The following LARGE1 variants were observed in gnomAD, a reference collection of about 807,000 sequenced individuals.
LARGE1 encodes xylosyl- and glucuronyltransferase LARGE1.
In LARGE1, 43 loss-of-function variants were observed where a neutral mutation model predicts 87.6. The ratio of observed to expected loss-of-function variants is 0.49; its 90% CI spans 0.38 to 0.63. The LOEUF is 0.63. LARGE1 is among the 30% of genes least tolerant of loss of function. The probability of loss-of-function intolerance (pLI) is 0.00; values close to 1 mark genes in which losing one functional copy is unlikely to be tolerated. For synonymous variants in LARGE1, 434 were observed against 394.6 expected (o/e 1.10, Z -1.18); for missense variants, 802 against 1,000.2 (o/e 0.80, Z 2.67).
intron 11 of LARGE1, among the ~76,000 whole-genome samples, chr22:33,306,185 G>A (rs78727010): frequency 3.4e-4 from 52 of 152,240 alleles, no homozygotes; most frequent in East Asian, 2.9e-3. Flanking sequence ...TCTCCATGAC[G>A]CCTAATTGCA....
intron 9 of LARGE1, among the ~76,000 whole-genome samples, chr22:33,371,983 CA>C (rs757895320): frequency 0.075 from 6,868 of 91,950 alleles, 178 homozygotes; most frequent in African/African-American, 0.12. Context: ...GACTCCATCT[CA>C]AAAAAAAAAA....
At chr22:33,468,393 G>C (rs1035130309) in intron 6 of LARGE1, among the ~76,000 whole-genome samples, 1 of 152,078 alleles carries the variant, frequency 6.6e-6, no homozygotes, top group Non-Finnish European at 1.5e-5. Flanking sequence ...CTTGAGTTCA[G>C]GAATTCAAGG....
intron 5 of LARGE1, among the ~76,000 whole-genome samples, chr22:33,570,322 T>C (rs1017090553): frequency 2.6e-5 from 4 of 152,136 alleles, no homozygotes; most frequent in African/African-American, 9.7e-5. Context: ...CAAATTCTGG[T>C]ACCTTTGAAA....
intron 2 of LARGE1, among the ~76,000 whole-genome samples, chr22:33,756,081 A>G (rs2084502558): frequency 6.6e-6 from 1 of 152,172 alleles, no homozygotes; most frequent in Non-Finnish European, 1.5e-5. Flanking sequence ...TTCCTCAGGT[A>G]GTTCAACAGG....
intron 5 of LARGE1, among the ~76,000 whole-genome samples, chr22:33,599,317 T>A (rs1363648852): frequency 6.6e-6 from 1 of 152,152 alleles, no homozygotes; most frequent in African/African-American, 2.4e-5. Flanking sequence ...AGGGTCATCA[T>A]GAGAGATGAG....
rs36002910 is a variant in LARGE1 at position 33,604,474 on chromosome 22, G to A, written c.576C>T (p.Pro192=). Residue 192 remains proline, a synonymous_variant, in exon 5 of 15, where the codon CCC becomes CCT. Transcript: ENST00000397394. ...CATTGTAGAAGTCCACACGCACAGCGGGCACCATCCAGGTCTGGAAGAGCG... is the reference window on the plus strand; with the variant it reads ...CATTGTAGAAGTCCACACGCACAGCAGGCACCATCCAGGTCTGGAAGAGCG... ...LATLFQTWMV[P]AVRVDFYNAD... is the part of the protein sequence containing the mutation. 0.03 allele frequency: 47,630 copies of A among 1,614,018 alleles called. 845 individuals are homozygous for A. The highest frequency in any genetic ancestry group is 0.036 in the Middle Eastern group (217 of 6,060).
At chr22:33,351,099 G>T (rs1190678708) in intron 9 of LARGE1, among the ~76,000 whole-genome samples, 1 of 152,256 alleles carries the variant, frequency 6.6e-6, no homozygotes, top group Non-Finnish European at 1.5e-5. Context: ...GCACTAGAAT[G>T]TAAGTTCAAG....
Position 33,650,381 on chromosome 22 carries a change from C to A in LARGE1, c.394G>T (p.Val132Leu), listed in dbSNP as rs913704656. Residue 132 changes from valine to leucine, a missense_variant, in exon 3 of 15, where the codon GTG becomes TTG. Val to Leu is a conservative substitution (Grantham distance 32). Around this residue, in one of 2 missense-constraint regions of LARGE1, gnomAD observed 625 missense variants for 841.9 expected, o/e 0.74. Coordinates refer to ENST00000397394, the MANE Select transcript of LARGE1 (RefSeq NM_133642.5). ...ATGCCCTTTACCTCGCATTTCTCCA[C>A]GACCGGCTGCTGCCCACACTCGGAG... Reference protein sequence around the residue: ...NSSECGQQPVVEKCETIHVAI... With the variant: ...NSSECGQQPVLEKCETIHVAI... The A allele has an allele frequency of 1.2e-6, 2 of 1,614,074 alleles. No homozygotes were observed. Among genetic ancestry groups the A allele is most frequent in the Non-Finnish European group, 1.7e-6 (2 of 1,180,030 alleles).
intron 11 of LARGE1, among the ~76,000 whole-genome samples, chr22:33,229,526 T>C (rs73397526): frequency 0.044 from 6,754 of 152,074 alleles, 489 homozygotes; most frequent in African/African-American, 0.15. Flanking sequence ...TAGATGTAAA[T>C]AGATTAGATA....
intron 1 of LARGE1, among the ~76,000 whole-genome samples, chr22:33,860,378 C>T (rs2063880892): frequency 6.6e-6 from 1 of 152,146 alleles, no homozygotes; most frequent in African/African-American, 2.4e-5. Flanking sequence ...CACAGTCTAA[C>T]CCATAGCACC....
chr22:33,882,581 T>C (rs1263555123), intron 1 of LARGE1, among the ~76,000 whole-genome samples: 3 of 152,134 alleles, frequency 2.0e-5, no homozygotes, highest in Non-Finnish European at 4.4e-5. Flanking sequence ...TCAGTAACAC[T>C]GGAACAGGAA....
intron 6 of LARGE1, among the ~76,000 whole-genome samples, chr22:33,507,728 A>G (rs1194369267): frequency 1.3e-5 from 2 of 152,166 alleles, no homozygotes; most frequent in African/African-American, 4.8e-5. Context: ...GGTATATTTC[A>G]CCATAATAAT....
At chr22:33,478,842 G>T (rs991942648) in intron 6 of LARGE1, among the ~76,000 whole-genome samples, 7 of 152,200 alleles carry the variant, frequency 4.6e-5, no homozygotes, top group African/African-American at 1.7e-4. Context: ...ACTTAAAGAT[G>T]TGAGAGGGCA....
At chr22:33,574,434 T>G (rs1472610749) in intron 5 of LARGE1, among the ~76,000 whole-genome samples, 3 of 152,194 alleles carry the variant, frequency 2.0e-5, no homozygotes. Context: ...TCTGTACATG[T>G]TCAATATAGA....
chr22:33,364,289 C>T (rs1280406919), intron 9 of LARGE1, among the ~76,000 whole-genome samples: 2 of 152,136 alleles, frequency 1.3e-5, no homozygotes, highest in African/African-American at 4.8e-5. Context: ...CATCTCCTGA[C>T]CTCGTGATCC....
At chr22:33,069,986 C>T in the LARGE1 span, among the ~76,000 whole-genome samples, 1 of 151,970 alleles carries the variant, frequency 6.6e-6, no homozygotes, top group Non-Finnish European at 1.5e-5. Flanking sequence ...CATCGCACAC[C>T]GCTAATTTTG....
At chr22:33,085,016 C>T in the LARGE1 span, among the ~76,000 whole-genome samples, 2 of 152,340 alleles carry the variant, frequency 1.3e-5, no homozygotes, top group African/African-American at 4.8e-5. Context: ...TGGCTCACAC[C>T]TGTAATCCCA....
intron 5 of LARGE1, among the ~76,000 whole-genome samples, chr22:33,593,558 G>A (rs532916011): frequency 4.1e-4 from 62 of 152,110 alleles, no homozygotes; most frequent in Middle Eastern, 3.4e-3. Context: ...CTCTGCCCTG[G>A]TATTACCACG....
At chr22:33,886,705 G>A (rs979970680) in intron 1 of LARGE1, among the ~76,000 whole-genome samples, 1 of 149,230 alleles carries the variant, frequency 6.7e-6, no homozygotes, top group South Asian at 2.2e-4. Flanking sequence ...GAGGGAAGGA[G>A]GGAGGGAGGG....
Sources: allele counts gnomAD v4.1 joint callset (sites outside exome capture counted in the v4.1 genomes callset), GRCh38; gene constraint gnomAD v4.1.1; regional missense constraint gnomAD v4.1.1; transcripts MANE v1.5; gene names NCBI Gene and HGNC (gene_info 2026-07-23, HGNC 2026-07-21).